The following LGSN variants were observed in gnomAD, a reference collection of about 807,000 sequenced individuals.
LGSN encodes the protein lengsin.
A neutral mutation model predicts 19.5 loss-of-function variants in LGSN; 21 were observed. The ratio of observed to expected loss-of-function variants is 1.07; its 90% confidence interval spans 0.76 to 1.55. The LOEUF is 1.55. LGSN is among the 40% of genes most tolerant of loss of function. The pLI is 0.00. For synonymous variants in LGSN, 257 were observed against 215.6 expected (o/e 1.19, Z -1.68); for missense variants, 673 against 608.5 (o/e 1.11, Z -1.12).
the LGSN span, among the ~76,000 whole-genome samples, chr6:63,416,864 G>C: frequency 6.6e-6 from 1 of 151,474 alleles, no homozygotes; most frequent in Admixed American, 6.6e-5. Context: ...CACCGCACCT[G>C]GCCTAAGTAG....
chr6:63,435,301 C>T, the LGSN span, among the ~76,000 whole-genome samples: 1 of 152,178 alleles, frequency 6.6e-6, no homozygotes, highest in Non-Finnish European at 1.5e-5. Context: ...GGCTTAAGGA[C>T]AGAGAAAATT....
chr6:63,569,124 G>C, the LGSN span, among the ~76,000 whole-genome samples: 1 of 152,120 alleles, frequency 6.6e-6, no homozygotes, highest in Middle Eastern at 3.4e-3. Flanking sequence ...TTGTAAACTT[G>C]GTAAAATGGA....
the LGSN span, chr6:63,572,304 C>G: frequency 4.6e-6 from 1 of 216,000 alleles, no homozygotes; most frequent in East Asian, 1.0e-4. Flanking sequence ...CGACTCGGCG[C>G]TTAGCCATTC....
the LGSN span, chr6:63,572,848 C>T: frequency 5.1e-6 from 2 of 393,616 alleles, no homozygotes; most frequent in Admixed American, 4.4e-5. Flanking sequence ...CGGTGGGTCC[C>T]GGGTGGGAGC....
chr6:63,492,949 T>C, the LGSN span, among the ~76,000 whole-genome samples: 2 of 152,250 alleles, frequency 1.3e-5, no homozygotes, highest in Non-Finnish European at 2.9e-5. Context: ...CCTGAAGTGC[T>C]GATTTGGCTT....
chr6:63,400,180 T>C, the LGSN span, among the ~76,000 whole-genome samples: 4 of 152,266 alleles, frequency 2.6e-5, no homozygotes, highest in East Asian at 7.7e-4. Flanking sequence ...AACAAGTAAA[T>C]AATGACAGAA....
the LGSN span, among the ~76,000 whole-genome samples, chr6:63,370,981 C>A: frequency 3.5e-4 from 54 of 152,268 alleles, no homozygotes; most frequent in African/African-American, 1.3e-3. Flanking sequence ...TTATCATGCG[C>A]AATTTTTGCG....
chr6:63,565,286 G>A, the LGSN span, among the ~76,000 whole-genome samples: 53 of 151,884 alleles, frequency 3.5e-4, no homozygotes, highest in African/African-American at 1.1e-3. Flanking sequence ...TATATTAAGC[G>A]GCAGAGTTAC....
At chr6:63,486,670 CT>C in the LGSN span, among the ~76,000 whole-genome samples, 1 of 143,778 alleles carries the variant, frequency 7.0e-6, no homozygotes, top group African/African-American at 2.6e-5. Context: ...AAGACATTGC[CT>C]TTATTTTCTT....
At chr6:63,327,908 C>T in the LGSN span, among the ~76,000 whole-genome samples, 2 of 152,154 alleles carry the variant, frequency 1.3e-5, no homozygotes, top group Admixed American at 6.5e-5. Context: ...TAGTGTAAGA[C>T]TCCCACCTCT....
the LGSN span, among the ~76,000 whole-genome samples, chr6:63,401,911 G>C: frequency 6.6e-6 from 1 of 152,204 alleles, no homozygotes; most frequent in Non-Finnish European, 1.5e-5. Flanking sequence ...CATGTGAAAA[G>C]GGATTAAGGC....
At chr6:63,367,590 G>C in the LGSN span, among the ~76,000 whole-genome samples, 11,119 of 138,686 alleles carry the variant, frequency 0.08, 1,180 homozygotes, top group African/African-American at 0.25. Context: ...CCCATTACTG[G>C]GTATACACCC....
At chr6:63,390,686 C>G in the LGSN span, among the ~76,000 whole-genome samples, 4 of 151,116 alleles carry the variant, frequency 2.6e-5, no homozygotes, top group Non-Finnish European at 5.9e-5. Context: ...GAAACCCCGT[C>G]TCTACTAAAA....
the LGSN span, among the ~76,000 whole-genome samples, chr6:63,351,616 C>A: frequency 6.6e-6 from 1 of 152,046 alleles, no homozygotes; most frequent in Non-Finnish European, 1.5e-5. Context: ...GCCACCATGC[C>A]AGGCTAATTT....
the LGSN span, among the ~76,000 whole-genome samples, chr6:63,333,170 T>C: frequency 6.6e-6 from 1 of 152,038 alleles, no homozygotes; most frequent in Non-Finnish European, 1.5e-5. Context: ...TTTTATTCTC[T>C]TATCTGGCCC....
At chr6:63,382,539 C>T in the LGSN span, among the ~76,000 whole-genome samples, 1 of 152,218 alleles carries the variant, frequency 6.6e-6, no homozygotes, top group Admixed American at 6.5e-5. Context: ...GCATGTTTTG[C>T]ACCCATGCAT....
At chr6:63,331,900 A>G in the LGSN span, among the ~76,000 whole-genome samples, 5 of 152,024 alleles carry the variant, frequency 3.3e-5, no homozygotes, top group African/African-American at 9.7e-5. Flanking sequence ...TTAGAGTCCT[A>G]AGCATTCTCC....
At chr6:63,431,930 G>T in the LGSN span, among the ~76,000 whole-genome samples, 1 of 151,254 alleles carries the variant, frequency 6.6e-6, no homozygotes, top group Non-Finnish European at 1.5e-5. Flanking sequence ...GCAAAAATTA[G>T]TTGGGCGTGG....
At chr6:63,522,435 G>C in the LGSN span, among the ~76,000 whole-genome samples, 5,692 of 152,216 alleles carry the variant, frequency 0.037, 360 homozygotes, top group African/African-American at 0.13. Context: ...GGGGACCCTA[G>C]TTACAATTCA....
Sources: allele counts gnomAD v4.1 joint callset (sites outside exome capture counted in the v4.1 genomes callset), GRCh38; gene constraint gnomAD v4.1.1; transcripts MANE v1.5; gene names NCBI Gene and HGNC (gene_info 2026-07-23, HGNC 2026-07-21).